The following ADAMTSL1 variants were observed in gnomAD, a reference collection of about 807,000 sequenced individuals.
The protein encoded by ADAMTSL1 is ADAMTS like 1, also known as ADAMTS-like protein 1.
ADAMTSL1 carries 126 observed loss-of-function variants against 201.8 expected under a neutral mutation model. The ratio of observed to expected loss-of-function variants is 0.62; its 90% CI spans 0.54 to 0.72. The LOEUF (loss-of-function observed/expected upper bound fraction) is 0.72, where lower values mean the gene tolerates loss of function less well. Among genes scored for constraint, ADAMTSL1 ranks in the 30% least tolerant of loss-of-function variants. The pLI is 0.00. For missense variants in ADAMTSL1, 2,679 were observed against 2,277.8 expected (o/e 1.18, Z -3.59); for synonymous variants, 1,121 against 903.4 (o/e 1.24, Z -4.32).
chr9:18,719,904 A>G (rs568999396), intron 14 of ADAMTSL1, among the ~76,000 whole-genome samples: 1 of 152,186 alleles, frequency 6.6e-6, no homozygotes, highest in Non-Finnish European at 1.5e-5. Flanking sequence ...GTATCTGATG[A>G]AGCAATGCAG....
chr9:18,623,322 A>G (rs1826151743), intron 5 of ADAMTSL1, among the ~76,000 whole-genome samples: 1 of 152,334 alleles, frequency 6.6e-6, no homozygotes, highest in African/African-American at 2.4e-5. Flanking sequence ...TTGTTATAAC[A>G]ACCTCATGAG....
intron 19 of ADAMTSL1, among the ~76,000 whole-genome samples, chr9:18,780,204 G>T (rs150935380): frequency 6.6e-6 from 1 of 152,192 alleles, no homozygotes; most frequent in East Asian, 1.9e-4. Flanking sequence ...AGCATTGAGG[G>T]GTCCAATCTG....
chr9:18,585,578 T>C (rs1455523054), intron 4 of ADAMTSL1, among the ~76,000 whole-genome samples: 1 of 152,158 alleles, frequency 6.6e-6, no homozygotes, highest in Non-Finnish European at 1.5e-5. Context: ...ATATTATTTC[T>C]ATTATATGAC....
At chr9:18,541,911 C>G (rs1227540605) in intron 3 of ADAMTSL1, among the ~76,000 whole-genome samples, 1 of 152,132 alleles carries the variant, frequency 6.6e-6, no homozygotes, top group Admixed American at 6.5e-5. Context: ...TGAGTTCTTC[C>G]AAATTATCTT....
chr9:18,616,447 T>C (rs1354726660), intron 4 of ADAMTSL1, among the ~76,000 whole-genome samples: 1 of 152,238 alleles, frequency 6.6e-6, no homozygotes, highest in East Asian at 1.9e-4. Context: ...TTATATGACA[T>C]TGTCTTTCAG....
chr9:18,786,840 G>C (rs1360732003), intron 19 of ADAMTSL1, among the ~76,000 whole-genome samples: 1 of 152,198 alleles, frequency 6.6e-6, no homozygotes, highest in African/African-American at 2.4e-5. Flanking sequence ...ATAGGAAAGT[G>C]AAATCTGTAG....
chr9:18,375,972 T>C (rs958278109), intron 2 of ADAMTSL1, among the ~76,000 whole-genome samples: 1 of 152,202 alleles, frequency 6.6e-6, no homozygotes, highest in African/African-American at 2.4e-5. Context: ...CACAGAGTGC[T>C]GATTGGTGCA....
intron 2 of ADAMTSL1, among the ~76,000 whole-genome samples, chr9:18,412,803 A>G (rs1002895931): frequency 2.6e-5 from 4 of 152,174 alleles, no homozygotes; most frequent in African/African-American, 9.7e-5. Flanking sequence ...TGGAACAACA[A>G]GATGTTCCAG....
chr9:18,034,897 A>G (rs545110408), intron 1 of ADAMTSL1, among the ~76,000 whole-genome samples: 12 of 152,132 alleles, frequency 7.9e-5, no homozygotes, highest in Non-Finnish European at 1.8e-4. Context: ...GTTCTAACAA[A>G]TATATTTTAA....
At chr9:18,565,500 C>T (rs1203662096) in intron 3 of ADAMTSL1, among the ~76,000 whole-genome samples, 1 of 145,352 alleles carries the variant, frequency 6.9e-6, no homozygotes, top group South Asian at 2.2e-4. Context: ...AGAACAAAAG[C>T]AAGGAGTTTT....
In ADAMTSL1 at chr9:17,909,684, G is replaced by A. The variant is rs1377237329; in HGVS notation, c.87+2762G>A. Among the ~76,000 whole-genome samples the A allele has an allele frequency of 1.2e-4, 8 of 67,156 alleles. 1 individual carries two copies. Among genetic ancestry groups the A allele is most frequent in the African/African-American group, 2.4e-4 (8 of 33,004 alleles). 44.1% of individuals were successfully genotyped at this position (67,156 alleles called of 152,430 possible). A position where few individuals can be genotyped will look rare whatever the true frequency, so the allele number is the denominator to read the frequency against. Reference sequence around the variant, plus strand: ...ATGATGAGTTCATGTCCTTTGTAGGGACATGGATGAAATTGGAAATCATCA... The same window carrying A: ...ATGATGAGTTCATGTCCTTTGTAGGAACATGGATGAAATTGGAAATCATCA... On this transcript the variant is annotated intron_variant, in intron 1 of 29. Coordinates refer to the ADAMTSL1 transcript ENST00000680146.
intron 23 of ADAMTSL1, among the ~76,000 whole-genome samples, chr9:18,871,437 A>C (rs551134150): frequency 6.6e-6 from 1 of 152,170 alleles, no homozygotes; most frequent in South Asian, 2.1e-4. Flanking sequence ...TGAATTCTAG[A>C]GTTCTTCCAG....
At chr9:17,941,967 G>T (rs192368279) in intron 1 of ADAMTSL1, among the ~76,000 whole-genome samples, 4 of 152,068 alleles carry the variant, frequency 2.6e-5, no homozygotes, top group African/African-American at 7.2e-5. Context: ...CCTACCAAAG[G>T]CCCCACCTCC....
At chr9:18,644,217 A>AT (rs1489018656) in intron 7 of ADAMTSL1, among the ~76,000 whole-genome samples, 3 of 151,686 alleles carry the variant, frequency 2.0e-5, no homozygotes, top group Admixed American at 2.0e-4. Flanking sequence ...TTATATGTTG[A>AT]TTTTTTTATC....
chr9:17,925,144 A>G (rs2131302908), intron 1 of ADAMTSL1, among the ~76,000 whole-genome samples: 3 of 103,326 alleles, frequency 2.9e-5, no homozygotes, highest in Middle Eastern at 9.0e-3. Context: ...GCAAATCAAA[A>G]CCACTATGAG....
chr9:18,385,902 C>G (rs1010315625), intron 2 of ADAMTSL1, among the ~76,000 whole-genome samples: 1 of 152,130 alleles, frequency 6.6e-6, no homozygotes, highest in Non-Finnish European at 1.5e-5. Flanking sequence ...GTGAGAATGT[C>G]GGTTACTCAT....
Position 18,753,513 on chromosome 9 carries a change from G to A in ADAMTSL1, c.2217+5G>A. On this transcript the variant is annotated splice_donor_5th_base_variant and intron_variant, in intron 16 of 28. Transcript: ENST00000380548. ...TACCCTGCACAGTGGCAGCCGGTGA[G>A]TTCTGAAGTTACTCAATATTGGAGC... 6.2e-7 allele frequency: 1 copy of A among 1,607,332 alleles called. No homozygotes were observed. Among genetic ancestry groups the A allele is most frequent in the Non-Finnish European group, 8.5e-7 (1 of 1,178,136 alleles).
chr9:18,297,853 A>G (rs551452569), intron 2 of ADAMTSL1, among the ~76,000 whole-genome samples: 1 of 152,368 alleles, frequency 6.6e-6, no homozygotes, highest in African/African-American at 2.4e-5. Flanking sequence ...TTCAGAAATG[A>G]GAACCCTTTG....
intron 15 of ADAMTSL1, among the ~76,000 whole-genome samples, chr9:18,722,235 C>T (rs368209566): frequency 5.9e-5 from 9 of 152,268 alleles, no homozygotes; most frequent in African/African-American, 2.2e-4. Flanking sequence ...GAGTCACAGC[C>T]TTGATTGAAT....
Sources: allele counts gnomAD v4.1 joint callset (sites outside exome capture counted in the v4.1 genomes callset), GRCh38; gene constraint gnomAD v4.1.1; transcripts MANE v1.5; gene names NCBI Gene and HGNC (gene_info 2026-07-23, HGNC 2026-07-21).